SLC5A11: variants seen among roughly 807,000 people sequenced by gnomAD.
SLC5A11 encodes sodium/myo-inositol cotransporter 2.
A neutral mutation model predicts 69.8 loss-of-function variants in SLC5A11; 48 were observed. That is an observed-to-expected ratio of 0.69 (90% CI 0.55 to 0.87). The LOEUF is 0.87. Among genes scored for constraint, SLC5A11 ranks in the 40% least tolerant of loss-of-function variants. The probability of loss-of-function intolerance (pLI) is 0.00; values close to 1 mark genes in which losing one functional copy is unlikely to be tolerated. For synonymous variants in SLC5A11, 319 were observed against 342.4 expected (o/e 0.93, Z 0.75); for missense variants, 784 against 866.1 (o/e 0.91, Z 1.19).
In SLC5A11 at chr16:24,908,879, A is replaced by C; in HGVS notation, c.1435-2A>C. The C allele has an allele frequency of 6.2e-7, 1 of 1,612,358 alleles. No homozygotes were observed. The highest frequency in any genetic ancestry group is 8.5e-7 in the Non-Finnish European group (1 of 1,179,956). On this transcript the variant is annotated splice_acceptor_variant, in intron 13 of 15. Transcript: ENST00000347898. LOFTEE classifies it high-confidence loss of function. Reference sequence around the variant, plus strand: ...TAAGATGATCTTGCTCTGATTTTGCAGGGTGCCTTCTGGGGCCTGATCTCG... The same window carrying C: ...TAAGATGATCTTGCTCTGATTTTGCCGGGTGCCTTCTGGGGCCTGATCTCG...
In SLC5A11 at chr16:24,856,378, CTTT is replaced by C. The variant is rs2059529899; in HGVS notation, c.-24-2241_-24-2239del. 2.0e-5 allele frequency among the ~76,000 whole-genome samples: 3 copies of C among 152,140 alleles called. 1 individual carries two copies. On this transcript the variant is annotated intron_variant, in intron 1 of 15. Coordinates refer to ENST00000347898, the Ensembl canonical transcript of SLC5A11. Reference sequence around the variant, plus strand: ...CTTGGCTGGGCTGGTAATCCCAGCACTTTGGGAGGCCAAGGTGGGAGGATTTCT... The same window carrying C: ...CTTGGCTGGGCTGGTAATCCCAGCACGGGAGGCCAAGGTGGGAGGATTTCT...
chr16:24,870,724 G>A (rs760960930), intron 4 of SLC5A11, among the ~76,000 whole-genome samples: 95 of 142,230 alleles, frequency 6.7e-4, no homozygotes, highest in Non-Finnish European at 9.9e-4. Flanking sequence ...AGGCTGCAGT[G>A]AGGTGAGATT....
chr16:24,859,155 T>C (rs996182127), intron 2 of SLC5A11: 1 of 158,914 alleles, frequency 6.3e-6, no homozygotes, highest in African/African-American at 2.4e-5. Context: ...TGTTTTGTTT[T>C]TGTTTTTGTT....
At chr16:24,907,115 T>C (rs1264644189) in exon 12 of SLC5A11, 2 of 1,614,122 alleles carry the variant, frequency 1.2e-6, no homozygotes, top group Non-Finnish European at 1.7e-6. Flanking sequence ...ATCTTCACCA[T>C]GGACCTCTGG....
At chr16:24,867,761 C>G (rs945694210) in intron 3 of SLC5A11, among the ~76,000 whole-genome samples, 1 of 151,934 alleles carries the variant, frequency 6.6e-6, no homozygotes, top group African/African-American at 2.4e-5. Flanking sequence ...ATTAAACAAC[C>G]TACATGAAAT....
chr16:24,877,969 G>A (rs932292062), intron 7 of SLC5A11, among the ~76,000 whole-genome samples: 1 of 152,134 alleles, frequency 6.6e-6, no homozygotes, highest in Non-Finnish European at 1.5e-5. Context: ...GGGTGACAGA[G>A]CGAGACACCA....
At chr16:24,900,098 C>T (rs2049473401) in intron 10 of SLC5A11, among the ~76,000 whole-genome samples, 2 of 152,064 alleles carry the variant, frequency 1.3e-5, no homozygotes, top group African/African-American at 2.4e-5. Context: ...TAGGTTTATA[C>T]CATGGGGATA....
At chr16:24,894,573 G>A (rs12926299) in intron 9 of SLC5A11, among the ~76,000 whole-genome samples, 30,169 of 148,898 alleles carry the variant, frequency 0.2, 3,684 homozygotes, top group South Asian at 0.43. Flanking sequence ...AGGCTGAGGC[G>A]GGCGGATCAC....
At chr16:24,858,562 A>C in intron 1 of SLC5A11, 58 bp from the exon 3 acceptor site, 1 of 1,493,482 alleles carries the variant, frequency 6.7e-7, no homozygotes. Flanking sequence ...TAGCTACAGA[A>C]AGGGTGAGAA....
chr16:24,906,505 T>C (rs2050071131), intron 10 of SLC5A11, 152 bp from the exon 12 acceptor site: 1 of 422,926 alleles, frequency 2.4e-6, no homozygotes, highest in South Asian at 8.9e-5. Context: ...AAAGCGTAAG[T>C]AACAAGGTCA....
chr16:24,877,615 C>T (rs769401647), intron 7 of SLC5A11, among the ~76,000 whole-genome samples: 9 of 152,152 alleles, frequency 5.9e-5, no homozygotes, highest in Admixed American at 6.5e-5. Flanking sequence ...TTTGGGAAGC[C>T]GAGGCAGGTG....
intron 10 of SLC5A11, among the ~76,000 whole-genome samples, chr16:24,905,032 A>G (rs140840710): frequency 4.6e-5 from 7 of 151,982 alleles, no homozygotes; most frequent in Non-Finnish European, 1.0e-4. Flanking sequence ...GAGTGAGAAC[A>G]TGTGGTGTTT....
At chr16:24,856,664 A>G (rs1016604995) in intron 1 of SLC5A11, among the ~76,000 whole-genome samples, 11 of 149,030 alleles carry the variant, frequency 7.4e-5, no homozygotes, top group African/African-American at 2.7e-4. Context: ...CCAGCTACTC[A>G]GGAGGCTGAG....
intron 2 of SLC5A11, among the ~76,000 whole-genome samples, chr16:24,859,803 T>C (rs2059684567): frequency 6.6e-6 from 1 of 152,222 alleles, no homozygotes; most frequent in East Asian, 1.9e-4. Context: ...AGTCTCGGGC[T>C]GAAGGTCATT....
intron 9 of SLC5A11, among the ~76,000 whole-genome samples, chr16:24,892,999 G>A (rs773882471): frequency 5.9e-5 from 9 of 151,870 alleles, no homozygotes; most frequent in Non-Finnish European, 8.8e-5. Context: ...GGCTGGGTGC[G>A]GTGGCTCATG....
rs1191239304 is a variant in SLC5A11 at position 24,850,129 on chromosome 16, GA to G, written c.-25+3701del. ...ATTTTTAAAAATTTGTTGTAGAGGA[GA>G]AAAAAAAAAGGGTCTCACTACATTG... On this transcript the variant is annotated intron_variant, in intron 1 of 15. Transcript: ENST00000347898. Among the ~76,000 whole-genome samples the G allele has an allele frequency of 4.1e-4, 60 of 145,804 alleles. 2 individuals carry two copies. The East Asian group carries it at 0.01, about 25-fold the overall frequency.
intron 9 of SLC5A11, among the ~76,000 whole-genome samples, chr16:24,894,250 T>C (rs2049001335): frequency 6.6e-6 from 1 of 152,176 alleles, no homozygotes; most frequent in South Asian, 2.1e-4. Flanking sequence ...CACCCCCAGC[T>C]GCATTTCTGT....
At chr16:24,854,183 G>A (rs1332976540) in intron 1 of SLC5A11, among the ~76,000 whole-genome samples, 2 of 152,164 alleles carry the variant, frequency 1.3e-5, no homozygotes, top group Middle Eastern at 3.2e-3. Flanking sequence ...GGCAGCCGCC[G>A]CCCCTCCTCC....
At chr16:24,885,342 T>C (rs1050917607) in intron 8 of SLC5A11, among the ~76,000 whole-genome samples, 2 of 152,036 alleles carry the variant, frequency 1.3e-5, no homozygotes, top group African/African-American at 4.8e-5. Context: ...AGCCACTCAT[T>C]AAGCCTTAAA....
Sources: gnomAD v4.1 joint callset for allele counts (sites outside exome capture counted in the v4.1 genomes callset) on GRCh38, gnomAD v4.1.1 for gene constraint, MANE v1.5 for transcripts, NCBI Gene and HGNC (gene_info 2026-07-23, HGNC 2026-07-21) for gene names.